DMXL1: variants seen among roughly 807,000 people sequenced by gnomAD.
DMXL1 encodes the protein dmX-like protein 1.
In DMXL1, 99 loss-of-function variants were observed where a neutral mutation model predicts 319.2. That is an observed-to-expected ratio of 0.31 (90% CI 0.26 to 0.37). The LOEUF is 0.37. Among genes scored for constraint, DMXL1 ranks in the 10% least tolerant of loss-of-function variants. The pLI is 1.00. For synonymous variants in DMXL1, 1,385 were observed against 1,235.2 expected (o/e 1.12, Z -2.54); for missense variants, 3,745 against 3,595.6 (o/e 1.04, Z -1.06).
chr5:119,147,481 T>C lies in DMXL1; in HGVS notation c.2911+11T>C, dbSNP rs111367854. Reference sequence around the variant, plus strand: ...TTAAGCCATCAGCAGGTTTGTAAATTTTATGAAAAGAGACTAATTTTGTAA... The same window carrying C: ...TTAAGCCATCAGCAGGTTTGTAAATCTTATGAAAAGAGACTAATTTTGTAA... On this transcript the variant is annotated intron_variant, in intron 17 of 43. Coordinates refer to ENST00000539542, the MANE Select transcript of DMXL1 (RefSeq NM_001290321.3). 6.7e-4 allele frequency: 1,074 copies of C among 1,599,830 alleles called. 8 individuals are homozygous for C. The African/African-American group carries it at 0.013, about 20-fold the overall frequency.
Position 119,175,299 on chromosome 5 carries a change from T to C in DMXL1, c.6720T>C (p.Ala2240=), listed in dbSNP as rs372337190. The part of the protein sequence containing the change: ...VMHTLAASLS[A]CIYQCLCGSH... The stretch of plus-strand genomic sequence containing the variant: ...ATACTTTAGCAGCTTCACTTTCTGC[T>C]TGTATTTATCAGTGCCTTTGTGGTA... The change falls in exon 26 of 44, where the codon GCT becomes GCC. Residue 2240 remains alanine (A), a synonymous_variant. Coordinates refer to ENST00000539542, the MANE Select transcript of DMXL1 (RefSeq NM_001290321.3). The C allele has an allele frequency of 6.2e-7, 1 of 1,612,126 alleles. No individual in the cohort carries two copies.
At position 119,166,823 on chromosome 5, in the gene DMXL1, C is replaced by T. The variant is rs780351910; in HGVS notation, c.5136+42C>T. 9 of 1,504,544 alleles carry T rather than the reference C, an allele frequency of 6.0e-6. No homozygotes were observed. In the East Asian group the frequency reaches 2.1e-4, roughly 36 times the overall value. The allele number at this position is 1,504,544 out of a possible 1,614,324, so 93.2% of individuals were successfully genotyped here. On this transcript the variant is annotated intron_variant, in intron 22 of 43. Transcript: ENST00000539542. ...AAATAACAAAGTATAGCAATGTCAT[C>T]TTTTAAAGCTCCTTAGTGCTTAAAT...
chr5:119,209,348 A>ATTTTTT (rs34115254), intron 34 of DMXL1, among the ~76,000 whole-genome samples: 1 of 137,248 alleles, frequency 7.3e-6, no homozygotes. Flanking sequence ...ATCCCATTCT[A>ATTTTTT]TTTTTTTTTT....
chr5:119,190,329 T>A (rs1462023317), intron 29 of DMXL1, among the ~76,000 whole-genome samples: 2 of 152,314 alleles, frequency 1.3e-5, no homozygotes, highest in Admixed American at 6.5e-5. Flanking sequence ...AACAACATGG[T>A]TCACATTTGT....
At position 119,133,603 on chromosome 5, in the gene DMXL1, A is replaced by G; in HGVS notation, c.1679A>G (p.Gln560Arg). 1.9e-6 allele frequency: 3 copies of G among 1,614,218 alleles called. No homozygotes were observed. Among genetic ancestry groups the G allele is most frequent in the Non-Finnish European group, 8.5e-7 (1 of 1,180,036 alleles). The stretch of plus-strand genomic sequence containing the variant: ...ACCAAGAATGTTGACTTGGCTATTC[A>G]GCAGGGGAAACAAAAACCTTCTGGC... ...ACTKNVDLAI[Q>R]QGKQKPSGLT... The change falls in exon 12 of 44, where the codon CAG (glutamine) becomes CGG (arginine). Residue 560 changes from glutamine to arginine, a missense_variant. Physicochemically the swap from Gln to Arg is conservative, Grantham distance 43. Transcript: ENST00000539542.
intron 28 of DMXL1, among the ~76,000 whole-genome samples, chr5:119,186,905 T>C (rs1315871012): frequency 1.4e-5 from 2 of 138,596 alleles, no homozygotes; most frequent in African/African-American, 5.4e-5. Context: ...AAGGGGAACA[T>C]CACACACTGG....
chr5:119,131,556 A>G (rs906495249), intron 10 of DMXL1, among the ~76,000 whole-genome samples: 2 of 152,092 alleles, frequency 1.3e-5, no homozygotes, highest in Non-Finnish European at 2.9e-5. Context: ...TATTTTAAAA[A>G]CTCAGTCCCA....
At chr5:119,081,182 T>G (rs975682559) in intron 1 of DMXL1, among the ~76,000 whole-genome samples, 5 of 152,190 alleles carry the variant, frequency 3.3e-5, no homozygotes, top group Non-Finnish European at 7.3e-5. Context: ...CTCCAAGGAC[T>G]AAGCTGTCTG....
At chr5:119,087,222 C>A (rs1447396708) in intron 1 of DMXL1, among the ~76,000 whole-genome samples, 1 of 150,744 alleles carries the variant, frequency 6.6e-6, no homozygotes, top group Non-Finnish European at 1.5e-5. Flanking sequence ...TTGATTTGTT[C>A]TTGTTTTTCA....
chr5:119,143,961 T>TA (rs755945537), intron 14 of DMXL1, 31 bp downstream of exon 14: 62 of 1,380,084 alleles, frequency 4.5e-5, no homozygotes, highest in African/African-American at 8.9e-5. Context: ...GGAGGTATAT[T>TA]AAAAAAAAGT....
At chr5:119,106,642 AT>A (rs1206953136) in intron 4 of DMXL1, among the ~76,000 whole-genome samples, 1 of 152,170 alleles carries the variant, frequency 6.6e-6, no homozygotes, top group African/African-American at 2.4e-5. Flanking sequence ...GTCATACAAG[AT>A]TTATGGTTTT....
At chr5:119,245,801 C>T (rs1358740883) in intron 43 of DMXL1, among the ~76,000 whole-genome samples, 1 of 152,018 alleles carries the variant, frequency 6.6e-6, no homozygotes, top group Non-Finnish European at 1.5e-5. Context: ...CTCTGCCTCC[C>T]AAAGTGCTGG....
At chr5:119,118,555 A>G (rs1415453597) in intron 7 of DMXL1, among the ~76,000 whole-genome samples, 1 of 152,076 alleles carries the variant, frequency 6.6e-6, no homozygotes, top group Non-Finnish European at 1.5e-5. Context: ...GTTTGAGAGC[A>G]CCCTGGGCAA....
At chr5:119,161,703 G>A (rs1215559038) in intron 19 of DMXL1, among the ~76,000 whole-genome samples, 1 of 152,078 alleles carries the variant, frequency 6.6e-6, no homozygotes. Flanking sequence ...GAGCTTTGCT[G>A]AAATATGCTG....
At chr5:119,076,958 T>A (rs541724830) in intron 1 of DMXL1, among the ~76,000 whole-genome samples, 1 of 152,238 alleles carries the variant, frequency 6.6e-6, no homozygotes, top group African/African-American at 2.4e-5. Context: ...ATTTGTCAAT[T>A]TAATTTTATT....
intron 42 of DMXL1, among the ~76,000 whole-genome samples, chr5:119,243,911 A>G (rs961723769): frequency 6.6e-6 from 1 of 152,174 alleles, no homozygotes; most frequent in Admixed American, 6.5e-5. Context: ...TTATTTTTGT[A>G]TTCTGTAAAT....
chr5:119,235,142 A>G (rs1324083539), intron 39 of DMXL1, among the ~76,000 whole-genome samples: 1 of 152,198 alleles, frequency 6.6e-6, no homozygotes, highest in African/African-American at 2.4e-5. Flanking sequence ...TATCACAGTA[A>G]TTCTGATGAA....
intron 33 of DMXL1, 144 bp downstream of exon 33, chr5:119,203,580 T>C: frequency 2.8e-6 from 1 of 355,874 alleles, no homozygotes; most frequent in Non-Finnish European, 5.2e-6. Context: ...AACAGTGTAA[T>C]TTATAAAAGG....
chr5:119,226,651 C>T (rs1785625405), intron 38 of DMXL1, among the ~76,000 whole-genome samples: 3 of 152,104 alleles, frequency 2.0e-5, no homozygotes, highest in Admixed American at 2.0e-4. Context: ...TCATATCCTA[C>T]AGGTTAAGGG....
Sources: gnomAD v4.1 joint callset for allele counts (sites outside exome capture counted in the v4.1 genomes callset) on GRCh38, gnomAD v4.1.1 for gene constraint, MANE v1.5 for transcripts, NCBI Gene and HGNC (gene_info 2026-07-23, HGNC 2026-07-21) for gene names.